The following UNC5B variants were observed in gnomAD, a reference collection of about 807,000 sequenced individuals.
UNC5B encodes netrin receptor UNC5B.
In UNC5B, 56 loss-of-function variants were observed where a neutral mutation model predicts 103.7. That is an observed-to-expected ratio of 0.54 (90% CI 0.44 to 0.67). The LOEUF is 0.67. Ranked by LOEUF, UNC5B falls within the 30% of genes least tolerant of loss-of-function variation. The pLI is 0.00. For synonymous variants in UNC5B, 577 were observed against 542.0 expected (o/e 1.06, Z -0.90); for missense variants, 1,194 against 1,284.5 (o/e 0.93, Z 1.08).
chr10:71,241,824 G>A (rs1843908414), intron 1 of UNC5B, among the ~76,000 whole-genome samples: 3 of 152,082 alleles, frequency 2.0e-5, no homozygotes, highest in African/African-American at 7.2e-5. Context: ...ATTAGAGTGG[G>A]TGAAGGCCAG....
intron 1 of UNC5B, among the ~76,000 whole-genome samples, chr10:71,271,679 G>C (rs1378249706): frequency 6.6e-6 from 1 of 152,188 alleles, no homozygotes; most frequent in African/African-American, 2.4e-5. Context: ...ACCTGCCCTG[G>C]GGCCTCGACC....
intron 3 of UNC5B, among the ~76,000 whole-genome samples, 159 bp from the exon 4 acceptor site, chr10:71,285,167 A>T (rs7350453): frequency 1.3e-5 from 2 of 152,046 alleles, no homozygotes; most frequent in Non-Finnish European, 2.9e-5. Context: ...GCCTAGTGAG[A>T]CCCCTCCTTT....
At chr10:71,279,757 G>T in intron 1 of UNC5B, 64 bp from the exon 2 acceptor site, 1 of 1,532,444 alleles carries the variant, frequency 6.5e-7, no homozygotes, top group Non-Finnish European at 8.8e-7. Context: ...CCCCGGGGTG[G>T]GCGAGGGGTG....
intron 1 of UNC5B, among the ~76,000 whole-genome samples, chr10:71,246,148 CAGA>C (rs1279161055): frequency 9.9e-5 from 15 of 152,186 alleles, no homozygotes; most frequent in African/African-American, 2.4e-5. Context: ...GCCCCCAGTT[CAGA>C]AGCCCAGCAG....
chr10:71,213,260 G>A lies in UNC5B; in HGVS notation c.79+196G>A, dbSNP rs554710754. Reference sequence around the variant, plus strand: ...CATCGCGGGAGCGGGGAGCAGGGAAGGGGCTTCACAGTAAGCTGAAAGGTC... The same window carrying A: ...CATCGCGGGAGCGGGGAGCAGGGAAAGGGCTTCACAGTAAGCTGAAAGGTC... On this transcript the variant is annotated intron_variant, in intron 1 of 16. Transcript: ENST00000335350. The surrounding 1 kb of genome is among the most constrained non-coding windows in gnomAD (Gnocchi z 4.1). Among the ~76,000 whole-genome samples, 2 of 152,296 alleles carry A rather than the reference G, an allele frequency of 1.3e-5. No homozygotes were observed. The highest frequency in any genetic ancestry group is 4.8e-5 in the African/African-American group (2 of 41,574).
At chr10:71,260,065 G>A (rs561094901) in intron 1 of UNC5B, among the ~76,000 whole-genome samples, 1 of 152,336 alleles carries the variant, frequency 6.6e-6, no homozygotes, top group Admixed American at 6.5e-5. Context: ...GAGAGGTAGG[G>A]GGGGCATGAA....
At position 71,290,976 on chromosome 10, in the gene UNC5B, C is replaced by T. The variant is rs144553905; in HGVS notation, c.1161C>T (p.Val387=). Residue 387 remains valine, a synonymous_variant, in exon 9 of 17, where the codon GTC becomes GTT. Coordinates refer to ENST00000335350, the MANE Select transcript of UNC5B (RefSeq NM_170744.5). ...YAGLVVAIFV[V]VAILMAVGVV... ...GGCTCGTGGTGGCCATCTTCGTGGT[C>T]GTGGCAATCCTCATGGCGGTGGGGG... is the stretch of plus-strand genomic sequence containing the variant. 153 of 1,613,928 alleles carry T rather than the reference C, an allele frequency of 9.5e-5. No individual in the cohort carries two copies. The highest frequency in any genetic ancestry group is 1.1e-4 in the Non-Finnish European group (124 of 1,180,040).
At chr10:71,227,707 TACACACACACACACAC>T (rs57747777) in intron 1 of UNC5B, among the ~76,000 whole-genome samples, 11 of 128,076 alleles carry the variant, frequency 8.6e-5, no homozygotes, top group Admixed American at 6.1e-4. Flanking sequence ...TACACACATA[TACACACACACACACAC>T]ACACACACAC....
chr10:71,265,381 G>C (rs542596836), intron 1 of UNC5B, among the ~76,000 whole-genome samples: 1 of 152,270 alleles, frequency 6.6e-6, no homozygotes, highest in South Asian at 2.1e-4. Flanking sequence ...GAGGGCATCA[G>C]GGGTGTCTGG....
Position 71,296,568 on chromosome 10 carries a change from C to T in UNC5B, c.2326-10C>T. The T allele has an allele frequency of 6.2e-7, 1 of 1,613,360 alleles. No homozygotes were observed. The highest frequency in any genetic ancestry group is 8.5e-7 in the Non-Finnish European group (1 of 1,179,880). ...CTTGCCTGCCTGGTCCTGACCCCCT[C>T]CTCCTGCAGGAGATCCCCTTCTATC... On this transcript the variant is annotated splice_polypyrimidine_tract_variant and intron_variant, in intron 14 of 16. Transcript: ENST00000335350.
In UNC5B at chr10:71,214,744, T is replaced by C. The variant is rs1391911727; in HGVS notation, c.79+1680T>C. On this transcript the variant is annotated intron_variant, in intron 1 of 16. Coordinates refer to ENST00000335350, the MANE Select transcript of UNC5B (RefSeq NM_170744.5). ...GAGAAAGACAAGACTGGTTGGCCTA[T>C]AGTTCTCTGGGTGGGTGGGCTTGGC... Among the ~76,000 whole-genome samples, 5 of 152,256 alleles carry C rather than the reference T, an allele frequency of 3.3e-5. No individual in the cohort carries two copies. In the East Asian group the frequency reaches 9.7e-4, roughly 29 times the overall value.
At chr10:71,293,046 G>GGGAAC (rs1465365496) in intron 11 of UNC5B, among the ~76,000 whole-genome samples, 2 of 152,196 alleles carry the variant, frequency 1.3e-5, no homozygotes, top group African/African-American at 4.8e-5. Flanking sequence ...GCAAGGGGGT[G>GGGAAC]GGAACATGGC....
chr10:71,227,613 T>TATATATACACATAC (rs1564706922), intron 1 of UNC5B, among the ~76,000 whole-genome samples: 4 of 143,704 alleles, frequency 2.8e-5, no homozygotes, highest in African/African-American at 1.0e-4. Flanking sequence ...CATATATACA[T>TATATATACACATAC]ATATATACAT....
chr10:71,270,678 A>G (rs912015002), intron 1 of UNC5B, among the ~76,000 whole-genome samples: 1 of 152,104 alleles, frequency 6.6e-6, no homozygotes, highest in Non-Finnish European at 1.5e-5. Flanking sequence ...ATCTAGCAGC[A>G]CCAGGTCCCT....
At chr10:71,226,049 A>T (rs1397420723) in intron 1 of UNC5B, among the ~76,000 whole-genome samples, 1 of 152,140 alleles carries the variant, frequency 6.6e-6, no homozygotes, top group Admixed American at 6.5e-5. Flanking sequence ...TTATCAGATC[A>T]TAAGCGTTTT....
chr10:71,213,083 T>TG lies in UNC5B; in HGVS notation c.79+24dup. 1.5e-6 allele frequency: 2 copies of TG among 1,325,602 alleles called. No individual in the cohort carries two copies. Among genetic ancestry groups the TG allele is most frequent in the South Asian group, 4.4e-5 (2 of 45,000 alleles). The allele number at this position is 1,325,602 out of a possible 1,614,324, so 82.1% of individuals were successfully genotyped here. A position where few individuals can be genotyped will look rare whatever the true frequency, so the allele number is the denominator to read the frequency against. On this transcript the variant is annotated intron_variant, in intron 1 of 16. Coordinates refer to ENST00000335350, the MANE Select transcript of UNC5B (RefSeq NM_170744.5). The surrounding 1 kb of genome is among the most constrained non-coding windows in gnomAD (Gnocchi z 4.1). ...CAAGCAGGTAGGAAGCGATCGGGTC[T>TG]GGGGGCGCGGGGCTAGGGGACCCTT...
intron 1 of UNC5B, chr10:71,217,271 G>A (rs1318257451): frequency 6.6e-6 from 1 of 152,664 alleles, no homozygotes. Context: ...TAAAAATACC[G>A]TAATTAGAAT....
In UNC5B at chr10:71,296,730, C is replaced by T. The variant is rs1242697053; in HGVS notation, c.2478C>T (p.Thr826=). The T allele has an allele frequency of 6.2e-7, 1 of 1,609,538 alleles. No homozygotes were observed. The highest frequency in any genetic ancestry group is 1.4e-5 in the African/African-American group (1 of 73,214). ...EGEGQIFQLH[T]TLAETPAGSL... ...AGGGCCAGATATTCCAGCTGCATAC[C>T]ACTCTGGCAGAGGTGAGGGAAGTCG... Residue 826 remains threonine (T), a synonymous_variant, in exon 15 of 17, where the codon ACC becomes ACT. Transcript: ENST00000335350.
intron 2 of UNC5B, among the ~76,000 whole-genome samples, chr10:71,283,334 G>A (rs1291777790): frequency 3.3e-5 from 5 of 152,204 alleles, no homozygotes; most frequent in African/African-American, 1.2e-4. Flanking sequence ...CGGGCTGGGC[G>A]CTGTGGCGGA....
Sources: gnomAD v4.1 joint callset for allele counts (sites outside exome capture counted in the v4.1 genomes callset) on GRCh38, gnomAD v4.1.1 for gene constraint, Gnocchi (gnomAD v3.1) non-coding constraint, MANE v1.5 for transcripts, NCBI Gene and HGNC (gene_info 2026-07-23, HGNC 2026-07-21) for gene names.